Variants in RANBP2 observed in about 807,000 individuals in gnomAD.
RANBP2 encodes RAN binding protein 2.
Under a neutral mutation model 303.6 loss-of-function variants are expected in RANBP2, and 57 were observed. The ratio of observed to expected loss-of-function variants is 0.19; its 90% CI spans 0.15 to 0.23. The LOEUF (loss-of-function observed/expected upper bound fraction) is 0.23, where lower values mean the gene tolerates loss of function less well. Among genes scored for constraint, RANBP2 ranks in the 10% least tolerant of loss-of-function variants. The pLI is 1.00. For missense variants in RANBP2, 3,138 were observed against 3,780.8 expected, an observed-to-expected ratio of 0.83 and a Z score of 4.46; for synonymous variants, 1,167 against 1,301.5, an observed-to-expected ratio of 0.90 and a Z score of 2.23.
the RANBP2 span, among the ~76,000 whole-genome samples, chr2:108,811,248 T>C: frequency 1.6e-5 from 2 of 123,016 alleles, no homozygotes; most frequent in Non-Finnish European, 3.3e-5. Context: ...TCTCTCTCTC[T>C]TTTTTTTTTT....
the RANBP2 span, among the ~76,000 whole-genome samples, chr2:109,573,520 G>C: frequency 5.3e-5 from 8 of 152,222 alleles, no homozygotes; most frequent in African/African-American, 1.9e-4. Context: ...TAAAACCAGG[G>C]GACCAAGCAA....
the RANBP2 span, chr2:109,371,739 CA>C: frequency 4.8e-6 from 7 of 1,461,592 alleles, no homozygotes; most frequent in African/African-American, 9.7e-5. Flanking sequence ...TGTTTCACTA[CA>C]GTGGGGTCAC....
the RANBP2 span, among the ~76,000 whole-genome samples, chr2:109,493,476 CACAT>C: frequency 4.1e-4 from 62 of 151,750 alleles, no homozygotes; most frequent in African/African-American, 1.4e-3. Context: ...TACATACAAA[CACAT>C]ACCCCACATA....
At chr2:109,399,958 G>A in the RANBP2 span, among the ~76,000 whole-genome samples, 1 of 152,186 alleles carries the variant, frequency 6.6e-6, no homozygotes. Context: ...CGGCCCACCC[G>A]CCACCACGCT....
At position 108,752,108 on chromosome 2, in the gene RANBP2, C is replaced by T. The variant is rs1675930277; in HGVS notation, c.1755+114C>T. The T allele has an allele frequency of 2.5e-6, 4 of 1,569,256 alleles. No individual in the cohort carries two copies. The Admixed American group carries it at 5.9e-5, about 23-fold the overall frequency. ...AAACAGCAGCTTGGTCACATTATGA[C>T]AGATGTGTTTTTTATTGCTGCAAAA... is the stretch of plus-strand genomic sequence containing the variant. On this transcript the variant is annotated intron_variant, in intron 12 of 28. Transcript: ENST00000283195.
At chr2:108,845,865 C>T in the RANBP2 span, among the ~76,000 whole-genome samples, 5 of 152,148 alleles carry the variant, frequency 3.3e-5, no homozygotes, top group Non-Finnish European at 7.4e-5. Flanking sequence ...GCCACCGCGC[C>T]CAGCCTCATT....
chr2:108,797,755 T>TA, the RANBP2 span, among the ~76,000 whole-genome samples: 2 of 152,312 alleles, frequency 1.3e-5, no homozygotes, highest in Non-Finnish European at 2.9e-5. Context: ...CCTGTGAAGT[T>TA]AGAGACCAGG....
the RANBP2 span, among the ~76,000 whole-genome samples, chr2:109,375,324 G>A: frequency 6.6e-6 from 1 of 152,148 alleles, no homozygotes; most frequent in Non-Finnish European, 1.5e-5. Flanking sequence ...ACTCTCCTGC[G>A]GCCGTCCCCA....
At chr2:108,754,055 T>C in intron 15 of RANBP2, 84 bp downstream of exon 15, 1 of 1,609,862 alleles carries the variant, frequency 6.2e-7, no homozygotes. Flanking sequence ...TTTGGTAATT[T>C]CAAAAATACT....
chr2:108,751,141 C>T, intron 9 of RANBP2, 123 bp from the exon 10 acceptor site: 1 of 1,508,204 alleles, frequency 6.6e-7, no homozygotes, highest in African/African-American at 1.4e-5. Flanking sequence ...TTCCCTTCAG[C>T]TTTGATATAG....
chr2:109,290,319 G>A, the RANBP2 span, among the ~76,000 whole-genome samples: 40 of 152,334 alleles, frequency 2.6e-4, no homozygotes, highest in African/African-American at 8.9e-4. Context: ...CCCCAGGCAC[G>A]TAATACATAC....
the RANBP2 span, among the ~76,000 whole-genome samples, chr2:109,571,098 C>T: frequency 6.6e-6 from 1 of 152,170 alleles, no homozygotes. Context: ...CCCCTGCACT[C>T]TCCTCCTCCT....
chr2:109,419,513 T>C, the RANBP2 span: 3 of 1,568,554 alleles, frequency 1.9e-6, no homozygotes, highest in South Asian at 2.3e-5. Flanking sequence ...GTCTCCTCAC[T>C]CCTGTCCCCT....
intron 24 of RANBP2, among the ~76,000 whole-genome samples, chr2:108,776,331 A>C (rs1293230068): frequency 6.6e-6 from 1 of 152,210 alleles, no homozygotes; most frequent in Non-Finnish European, 1.5e-5. Context: ...CGGATTTAAG[A>C]AAGTTTTATG....
chr2:109,018,767 T>G, the RANBP2 span, among the ~76,000 whole-genome samples: 1 of 152,220 alleles, frequency 6.6e-6, no homozygotes, highest in Middle Eastern at 3.2e-3. Context: ...GAGGAGCCAC[T>G]CAGACCCTCA....
chr2:108,740,746 T>G, intron 7 of RANBP2, 65 bp downstream of exon 7: 1 of 1,596,628 alleles, frequency 6.3e-7, no homozygotes, highest in South Asian at 1.1e-5. Context: ...GAAATGAAGG[T>G]GTGCTCTGGT....
the RANBP2 span, among the ~76,000 whole-genome samples, chr2:109,340,387 G>A: frequency 6.6e-6 from 1 of 152,220 alleles, no homozygotes; most frequent in African/African-American, 2.4e-5. Context: ...GAGAGCCCCA[G>A]TACTGCTGGA....
chr2:109,643,015 A>C, the RANBP2 span, among the ~76,000 whole-genome samples: 19 of 151,766 alleles, frequency 1.3e-4, no homozygotes, highest in Non-Finnish European at 2.9e-5. Flanking sequence ...TCTCTACTAA[A>C]ATTTTTTTTT....
the RANBP2 span, among the ~76,000 whole-genome samples, chr2:109,336,403 G>A: frequency 6.6e-6 from 1 of 152,228 alleles, no homozygotes; most frequent in Non-Finnish European, 1.5e-5. Context: ...TGACTCACTA[G>A]CATGCAAAAT....
Sources: gnomAD v4.1 joint callset for allele counts (sites outside exome capture counted in the v4.1 genomes callset) on GRCh38, gnomAD v4.1.1 for gene constraint, MANE v1.5 for transcripts, NCBI Gene and HGNC (gene_info 2026-07-23, HGNC 2026-07-21) for gene names.